Variants in FOXP1 observed in about 807,000 individuals in gnomAD.
FOXP1 encodes the protein forkhead box protein P1.
FOXP1 carries 15 observed loss-of-function variants against 98.2 expected under a neutral mutation model. The ratio of observed to expected loss-of-function variants is 0.15; its 90% CI spans 0.10 to 0.24. The LOEUF is 0.24. Among genes scored for constraint, FOXP1 ranks in the 10% least tolerant of loss-of-function variants. The pLI is 1.00. For synonymous variants in FOXP1, 371 were observed against 314.5 expected (o/e 1.18, Z -1.90); for missense variants, 633 against 848.5 (o/e 0.75, Z 3.15).
At chr3:71,425,313 A>T (rs1036774361) in intron 3 of FOXP1, among the ~76,000 whole-genome samples, 1 of 152,064 alleles carries the variant, frequency 6.6e-6, no homozygotes, top group Non-Finnish European at 1.5e-5. Flanking sequence ...TTTAGTAGAG[A>T]CAGGATTTTA....
intron 5 of FOXP1, among the ~76,000 whole-genome samples, chr3:71,268,580 G>A (rs1560213667): frequency 6.7e-6 from 1 of 149,558 alleles, no homozygotes; most frequent in African/African-American, 2.5e-5. Context: ...TGGTTTGCTT[G>A]GAGACACATC....
chr3:71,456,246 CAGAGAAAGAG>C (rs1039540743), intron 3 of FOXP1, among the ~76,000 whole-genome samples: 1 of 145,688 alleles, frequency 6.9e-6, no homozygotes, highest in African/African-American at 2.8e-5. Context: ...GCAGGCACAA[CAGAGAAAGAG>C]AGAGAGAGGG....
intron 5 of FOXP1, among the ~76,000 whole-genome samples, chr3:71,284,624 G>C (rs970376698): frequency 6.6e-6 from 1 of 152,068 alleles, no homozygotes; most frequent in South Asian, 2.1e-4. Flanking sequence ...CAGGAAAACT[G>C]GACATGGTGT....
intron 7 of FOXP1, among the ~76,000 whole-genome samples, chr3:71,106,644 G>A (rs993881608): frequency 6.0e-5 from 9 of 150,134 alleles, no homozygotes; most frequent in African/African-American, 4.9e-5. Context: ...TTTTTTAATC[G>A]AAATAGAGTC....
chr3:71,081,264 T>C (rs1051709705), intron 7 of FOXP1, among the ~76,000 whole-genome samples: 3 of 152,172 alleles, frequency 2.0e-5, no homozygotes, highest in Admixed American at 6.5e-5. Flanking sequence ...TCCCCAGTTC[T>C]TTCCAGCACC....
chr3:71,094,116 A>C (rs1001697288), intron 7 of FOXP1, among the ~76,000 whole-genome samples: 1 of 152,198 alleles, frequency 6.6e-6, no homozygotes, highest in Non-Finnish European at 1.5e-5. Context: ...CAGAGAATAA[A>C]TATTTTAGGC....
chr3:71,154,051 T>C (rs983919794), intron 6 of FOXP1, among the ~76,000 whole-genome samples: 1 of 152,106 alleles, frequency 6.6e-6, no homozygotes, highest in African/African-American at 2.4e-5. Context: ...TATAACTCTA[T>C]GGAATTTTGT....
At chr3:71,473,523 C>T (rs1238638139) in intron 3 of FOXP1, among the ~76,000 whole-genome samples, 1 of 152,042 alleles carries the variant, frequency 6.6e-6, no homozygotes, top group African/African-American at 2.4e-5. Context: ...TCACAAGTAA[C>T]AAAGTGGCAG....
At chr3:71,032,686 G>T (rs772716107) in intron 11 of FOXP1, among the ~76,000 whole-genome samples, 1 of 152,064 alleles carries the variant, frequency 6.6e-6, no homozygotes, top group African/African-American at 2.4e-5. Context: ...ACACTGGTGC[G>T]AACACAGCAA....
intron 11 of FOXP1, among the ~76,000 whole-genome samples, chr3:71,032,186 T>C (rs2046961248): frequency 6.6e-6 from 1 of 152,234 alleles, no homozygotes; most frequent in Non-Finnish European, 1.5e-5. Context: ...GCCATATGGA[T>C]GAAGACACTG....
At chr3:70,963,375 A>T (rs1036936045) in intron 20 of FOXP1, among the ~76,000 whole-genome samples, 2 of 152,214 alleles carry the variant, frequency 1.3e-5, no homozygotes. Context: ...AACGTGTAGC[A>T]CAAGCACACA....
chr3:71,163,618 G>T (rs1430388572), intron 6 of FOXP1, among the ~76,000 whole-genome samples: 3 of 152,120 alleles, frequency 2.0e-5, no homozygotes, highest in Non-Finnish European at 4.4e-5. Flanking sequence ...TGACCATGTT[G>T]AAACTTGTCA....
intron 2 of FOXP1, among the ~76,000 whole-genome samples, chr3:71,561,584 T>C (rs573448307): frequency 6.6e-6 from 1 of 152,286 alleles, no homozygotes; most frequent in East Asian, 1.9e-4. Flanking sequence ...GAGATGCAAG[T>C]CTCTTCCCTG....
chr3:71,506,088 C>T (rs995290295), intron 2 of FOXP1, among the ~76,000 whole-genome samples: 2 of 152,192 alleles, frequency 1.3e-5, no homozygotes, highest in Non-Finnish European at 2.9e-5. Context: ...ATGAATTCTA[C>T]AGACAATAAT....
rs907752783 is a variant in FOXP1, at chr3:71,472,979, T to C, written c.-168+20447A>G. 2.0e-5 allele frequency among the ~76,000 whole-genome samples: 3 copies of C among 152,136 alleles called. No individual in the cohort carries two copies. In the East Asian group the frequency reaches 5.8e-4, roughly 29 times the overall value. Reference sequence around the variant, plus strand: ...TCTCAGATGGGGAACCAAGGCTCAGTATGGCAAAATAACTTATGAAAGGGC... The same window carrying C: ...TCTCAGATGGGGAACCAAGGCTCAGCATGGCAAAATAACTTATGAAAGGGC... On this transcript the variant is annotated intron_variant, in intron 3 of 20. Coordinates refer to ENST00000649528, the MANE Select transcript of FOXP1 (RefSeq NM_001349338.3).
intron 2 of FOXP1, among the ~76,000 whole-genome samples, chr3:71,521,648 G>A (rs1306807142): frequency 5.3e-5 from 8 of 152,094 alleles, no homozygotes; most frequent in Admixed American, 5.2e-4. Context: ...GTTTCGCTTG[G>A]GCCAGACTAG....
intron 2 of FOXP1, chr3:71,542,038 A>G (rs2107615435): frequency 1.9e-6 from 1 of 533,978 alleles, no homozygotes; most frequent in Non-Finnish European, 3.8e-6. Flanking sequence ...ATAAAATTTA[A>G]GAAAAGCCAG....
In FOXP1 at chr3:71,069,477, CCT is replaced by C. The variant is rs539711381; in HGVS notation, c.283-15706_283-15705del. On this transcript the variant is annotated intron_variant, in intron 7 of 20. Coordinates refer to ENST00000649528, the MANE Select transcript of FOXP1 (RefSeq NM_001349338.3). Reference sequence around the variant, plus strand: ...CTCATTTATGATGAAACTATAATCCCCTGTTTTAACATAATGTAAAATTTGTT... The same window carrying C: ...CTCATTTATGATGAAACTATAATCCCGTTTTAACATAATGTAAAATTTGTT... Among the ~76,000 whole-genome samples the C allele has an allele frequency of 3.3e-3, 505 of 152,264 alleles. 1 individual carries two copies. Among genetic ancestry groups the C allele is most frequent in the Non-Finnish European group, 4.9e-3 (333 of 68,024 alleles).
At chr3:71,365,949 G>A (rs72957362) in intron 3 of FOXP1, among the ~76,000 whole-genome samples, 4,915 of 152,252 alleles carry the variant, frequency 0.032, 119 homozygotes, top group South Asian at 0.11. Context: ...CTCCAGCCTG[G>A]CGACAGGGCA....
Sources: allele counts gnomAD v4.1 joint callset (sites outside exome capture counted in the v4.1 genomes callset), GRCh38; gene constraint gnomAD v4.1.1; transcripts MANE v1.5; gene names NCBI Gene and HGNC (gene_info 2026-07-23, HGNC 2026-07-21).